Variants in CEP128 observed in about 807,000 individuals in gnomAD.
CEP128 encodes centrosomal protein 128.
CEP128 carries 132 observed loss-of-function variants against 156.7 expected under a neutral mutation model. That is an observed-to-expected ratio of 0.84 (90% CI 0.73 to 0.97). The LOEUF (loss-of-function observed/expected upper bound fraction) is 0.97. CEP128 is among the 50% of genes least tolerant of loss of function. The pLI is 0.00. For missense variants in CEP128, 1,252 were observed against 1,281.9 expected, an observed-to-expected ratio of 0.98 and a Z score of 0.36; for synonymous variants, 469 against 448.9, an observed-to-expected ratio of 1.04 and a Z score of -0.57.
intron 19 of CEP128, among the ~76,000 whole-genome samples, chr14:80,605,118 T>G (rs896199635): frequency 6.6e-6 from 1 of 152,104 alleles, no homozygotes; most frequent in African/African-American, 2.4e-5. Flanking sequence ...TAATCTTTCT[T>G]GGCCATAACG....
intron 19 of CEP128, among the ~76,000 whole-genome samples, chr14:80,668,492 T>C (rs1392266538): frequency 6.6e-6 from 1 of 152,102 alleles, no homozygotes; most frequent in Non-Finnish European, 1.5e-5. Flanking sequence ...GGGGATTCAT[T>C]TTGAATATAG....
chr14:80,829,762 A>G (rs1305882004), intron 13 of CEP128, among the ~76,000 whole-genome samples: 1 of 152,216 alleles, frequency 6.6e-6, no homozygotes, highest in East Asian at 1.9e-4. Context: ...AAACTAACCC[A>G]AGAGGACTCA....
intron 13 of CEP128, chr14:80,822,945 G>A: frequency 4.3e-6 from 2 of 461,686 alleles, no homozygotes; most frequent in Non-Finnish European, 8.0e-6. Context: ...TGTTTTTGGG[G>A]GAAGGGGCAT....
intron 13 of CEP128, among the ~76,000 whole-genome samples, chr14:80,827,212 A>G (rs534160014): frequency 1.2e-3 from 177 of 152,364 alleles, no homozygotes; most frequent in African/African-American, 4.0e-3. Flanking sequence ...AGAAATGACT[A>G]GATAGCAAAT....
intron 8 of CEP128, among the ~76,000 whole-genome samples, chr14:80,888,370 G>A (rs375579653): frequency 3.0e-4 from 45 of 152,178 alleles, no homozygotes; most frequent in African/African-American, 7.7e-4. Flanking sequence ...ACGTTGATGC[G>A]AAAATCCTCA....
At chr14:80,628,323 C>T (rs1339131083) in intron 19 of CEP128, among the ~76,000 whole-genome samples, 2 of 152,136 alleles carry the variant, frequency 1.3e-5, no homozygotes, top group African/African-American at 4.8e-5. Flanking sequence ...CTTTTTAAAA[C>T]ACTACTGTAC....
intron 14 of CEP128, among the ~76,000 whole-genome samples, chr14:80,480,012 A>G (rs1177004756): frequency 6.6e-6 from 1 of 152,210 alleles, no homozygotes; most frequent in East Asian, 1.9e-4. Flanking sequence ...GGTCTTGGGC[A>G]GCTCCACTCT....
At chr14:80,709,146 G>GT (rs200445461) in intron 19 of CEP128, among the ~76,000 whole-genome samples, 4,228 of 146,756 alleles carry the variant, frequency 0.029, 96 homozygotes, top group African/African-American at 0.057. Context: ...TAGGGTTTTT[G>GT]TTTTTTTTTT....
At chr14:80,769,297 ACTTTAAGTT>A (rs2139725024) in intron 16 of CEP128, among the ~76,000 whole-genome samples, 1 of 146,474 alleles carries the variant, frequency 6.8e-6, no homozygotes, top group South Asian at 2.1e-4. Context: ...TTTTAATTAT[ACTTTAAGTT>A]CTAGGGTACA....
chr14:80,855,621 A>T (rs1887113355), intron 9 of CEP128, among the ~76,000 whole-genome samples: 2 of 152,166 alleles, frequency 1.3e-5, no homozygotes, highest in African/African-American at 4.8e-5. Flanking sequence ...GTGAATGATC[A>T]AACAAAAGTT....
At chr14:80,499,434 A>T (rs1313455399) in intron 24 of CEP128, among the ~76,000 whole-genome samples, 2 of 152,234 alleles carry the variant, frequency 1.3e-5, no homozygotes, top group Non-Finnish European at 1.5e-5. Flanking sequence ...TCTTTCATTA[A>T]TCTGCTTTTC....
chr14:80,944,011 T>G (rs1433762679), upstream of CEP128, among the ~76,000 whole-genome samples: 7 of 148,044 alleles, frequency 4.7e-5, no homozygotes, highest in Non-Finnish European at 8.9e-5. Flanking sequence ...AAAAAAAAAG[T>G]AGTGAAGTCA....
In CEP128 at chr14:80,530,800, C is replaced by G; in HGVS notation, c.2958+9G>C. Reference sequence around the variant, plus strand: ...AAATACTGAAAGAGACAAGCCAACTCTTTCTCACTCTGAAGTCTTTGAAAT... The same window carrying G: ...AAATACTGAAAGAGACAAGCCAACTGTTTCTCACTCTGAAGTCTTTGAAAT... On this transcript the variant is annotated intron_variant, in intron 22 of 24. Coordinates refer to ENST00000555265, the MANE Select transcript of CEP128 (RefSeq NM_152446.5). 1 of 1,592,384 alleles carries G rather than the reference C, an allele frequency of 6.3e-7. No individual in the cohort carries two copies.
intron 18 of CEP128, among the ~76,000 whole-genome samples, chr14:80,747,782 A>C (rs1291974139): frequency 6.6e-6 from 1 of 152,166 alleles, no homozygotes; most frequent in African/African-American, 2.4e-5. Context: ...GCTCCAGCCT[A>C]GGCAACAGAG....
intron 19 of CEP128, among the ~76,000 whole-genome samples, chr14:80,658,658 A>T (rs554185080): frequency 6.6e-6 from 1 of 152,362 alleles, no homozygotes; most frequent in South Asian, 2.1e-4. Flanking sequence ...TAAAATAAGA[A>T]TGATGCAGAT....
At chr14:80,534,405 G>T (rs1170936271) in intron 21 of CEP128, among the ~76,000 whole-genome samples, 2 of 152,208 alleles carry the variant, frequency 1.3e-5, no homozygotes, top group Non-Finnish European at 2.9e-5. Context: ...GAGGACCTAT[G>T]TCATGTTAAT....
intron 17 of CEP128, among the ~76,000 whole-genome samples, chr14:80,758,467 A>T (rs1238342824): frequency 6.6e-6 from 1 of 151,278 alleles, no homozygotes; most frequent in African/African-American, 2.4e-5. Context: ...GGTTGCAGTG[A>T]GCAGAGATCG....
At chr14:80,737,297 G>A (rs558852802) in intron 19 of CEP128, among the ~76,000 whole-genome samples, 33 of 151,846 alleles carry the variant, frequency 2.2e-4, no homozygotes, top group African/African-American at 6.8e-4. Context: ...CCAGCTACTC[G>A]GGAGGCTGAG....
chr14:80,840,568 G>T, intron 10 of CEP128, 114 bp downstream of exon 10: 1 of 634,198 alleles, frequency 1.6e-6, no homozygotes, highest in South Asian at 2.1e-5. Context: ...CACATAGAAA[G>T]ATAAAGAACT....
Sources: allele counts gnomAD v4.1 joint callset (sites outside exome capture counted in the v4.1 genomes callset), GRCh38; gene constraint gnomAD v4.1.1; transcripts MANE v1.5; gene names NCBI Gene and HGNC (gene_info 2026-07-23, HGNC 2026-07-21).